MAPK8: variants seen among roughly 807,000 people sequenced by gnomAD.
The protein encoded by MAPK8 is JUN N-terminal kinase.
In MAPK8, 13 loss-of-function variants were observed where a neutral mutation model predicts 52.9. The ratio of observed to expected loss-of-function variants is 0.25; its 90% CI spans 0.16 to 0.39. The LOEUF (loss-of-function observed/expected upper bound fraction) is 0.39. Among genes scored for constraint, MAPK8 ranks in the 10% least tolerant of loss-of-function variants. The pLI is 1.00. For missense variants in MAPK8, 300 were observed against 519.2 expected (o/e 0.58, Z 4.10); for synonymous variants, 191 against 169.8 (o/e 1.12, Z -0.97).
intron 1 of MAPK8, among the ~76,000 whole-genome samples, chr10:48,309,130 A>G (rs1841698808): frequency 6.6e-6 from 1 of 152,236 alleles, no homozygotes; most frequent in Admixed American, 6.5e-5. Flanking sequence ...GGCTGTGTAA[A>G]GAACCAGAGT....
intron 1 of MAPK8, among the ~76,000 whole-genome samples, chr10:48,342,044 G>A (rs1318427195): frequency 6.6e-6 from 1 of 152,222 alleles, no homozygotes; most frequent in Non-Finnish European, 1.5e-5. Context: ...GGAAGATGTG[G>A]CAGGAGAAGT....
intron 1 of MAPK8, among the ~76,000 whole-genome samples, chr10:48,346,482 G>A (rs1312914586): frequency 1.3e-5 from 2 of 152,212 alleles, no homozygotes; most frequent in East Asian, 3.9e-4. Flanking sequence ...GTTACCAGGC[G>A]GATCGTGGTC....
chr10:48,313,762 G>C (rs536953327), intron 1 of MAPK8, among the ~76,000 whole-genome samples: 3 of 152,068 alleles, frequency 2.0e-5, no homozygotes, highest in Non-Finnish European at 2.9e-5. Context: ...TTGCTTGTTG[G>C]TTTGTTTTTT....
intron 1 of MAPK8, among the ~76,000 whole-genome samples, chr10:48,400,638 A>G (rs908655020): frequency 3.3e-5 from 5 of 152,140 alleles, no homozygotes; most frequent in Non-Finnish European, 7.4e-5. Context: ...TGCTGAATTA[A>G]TTCTTTGTAT....
At chr10:48,411,627 A>G (rs533624972) in intron 5 of MAPK8, among the ~76,000 whole-genome samples, 8 of 152,126 alleles carry the variant, frequency 5.3e-5, no homozygotes, top group Admixed American at 2.0e-4. Flanking sequence ...TATGAATTTG[A>G]GTATCATTCT....
chr10:48,347,629 A>C (rs999407538), intron 1 of MAPK8, among the ~76,000 whole-genome samples: 20 of 152,262 alleles, frequency 1.3e-4, no homozygotes, highest in African/African-American at 4.6e-4. Flanking sequence ...CTCCCACATA[A>C]GAGTGAGAAC....
At chr10:48,378,465 C>T (rs2040801965) in intron 1 of MAPK8, among the ~76,000 whole-genome samples, 1 of 151,976 alleles carries the variant, frequency 6.6e-6, no homozygotes, top group African/African-American at 2.4e-5. Context: ...ACATTGACTA[C>T]AATCAAAAAG....
rs543895822 is a variant in MAPK8 at position 48,403,072 on chromosome 10, C to G, written c.122+1290C>G. Among the ~76,000 whole-genome samples the G allele has an allele frequency of 5.3e-5, 8 of 152,190 alleles. No homozygotes were observed. The East Asian group carries it at 1.5e-3, about 29-fold the overall frequency. The stretch of plus-strand genomic sequence containing the variant: ...TATATATATGTACAAAAGATTAAAA[C>G]ATGCATAAATACCAAACTTAGGATG... On this transcript the variant is annotated intron_variant, in intron 2 of 11. Transcript: ENST00000374189.
At chr10:48,367,139 G>A (rs1002723899) in intron 1 of MAPK8, among the ~76,000 whole-genome samples, 1 of 152,096 alleles carries the variant, frequency 6.6e-6, no homozygotes, top group Non-Finnish European at 1.5e-5. Flanking sequence ...GGAGGCCAAG[G>A]CAGGAGGATC....
intron 5 of MAPK8, among the ~76,000 whole-genome samples, chr10:48,414,568 A>ATTTT (rs3047769): frequency 3.4e-5 from 3 of 88,448 alleles, no homozygotes; most frequent in African/African-American, 4.7e-5. Context: ...GTTGAAAAGA[A>ATTTT]TTTTTTTTTT....
chr10:48,424,300 T>G (rs964297997), intron 7 of MAPK8, 141 bp downstream of exon 7: 1 of 823,808 alleles, frequency 1.2e-6, no homozygotes, highest in Admixed American at 2.8e-5. Flanking sequence ...TCAAAAATTG[T>G]TGAGATAAGA....
chr10:48,310,074 A>AC (rs1564461967), intron 1 of MAPK8, among the ~76,000 whole-genome samples: 1 of 152,214 alleles, frequency 6.6e-6, no homozygotes, highest in Non-Finnish European at 1.5e-5. Context: ...GGAGTATTGA[A>AC]ATGAGTTATC....
chr10:48,401,609 C>T lies in MAPK8; in HGVS notation c.-49-3C>T. ...TAACATCATGTTTTGTTGCATCTTG[C>T]AGCTTCTTGGTGAATTTTTGGATGA... is the stretch of plus-strand genomic sequence containing the variant. On this transcript the variant is annotated splice_region_variant and splice_polypyrimidine_tract_variant and intron_variant, in intron 1 of 11. Transcript: ENST00000374189. 1 of 1,593,206 alleles carries T rather than the reference C, an allele frequency of 6.3e-7. No homozygotes were observed. Among genetic ancestry groups the T allele is most frequent in the Non-Finnish European group, 8.5e-7 (1 of 1,170,134 alleles).
chr10:48,408,664 A>T (rs966720895), intron 3 of MAPK8, among the ~76,000 whole-genome samples: 12 of 152,172 alleles, frequency 7.9e-5, no homozygotes, highest in Non-Finnish European at 1.5e-5. Context: ...CTTTTACCAT[A>T]TTATAGGCAG....
At position 48,327,739 on chromosome 10, in the gene MAPK8, T is replaced by TTTTAA. The variant is rs1308827836; in HGVS notation, c.-50+20918_-50+20919insTTTAA. Among the ~76,000 whole-genome samples the TTTTAA allele has an allele frequency of 2.0e-5, 3 of 152,248 alleles. No individual in the cohort carries two copies. The East Asian group carries it at 5.8e-4, about 29-fold the overall frequency. On this transcript the variant is annotated intron_variant, in intron 1 of 11. Transcript: ENST00000374189. The stretch of plus-strand genomic sequence containing the variant: ...GGTGTTTTCTGTTTTAAAAGGTTAA[T>TTTTAA]AACTGTTGATTCAATTTTCTAATAG...
At chr10:48,393,615 G>A (rs1167521772) in intron 1 of MAPK8, among the ~76,000 whole-genome samples, 1 of 152,008 alleles carries the variant, frequency 6.6e-6, no homozygotes, top group Non-Finnish European at 1.5e-5. Context: ...TATTTACAAA[G>A]CCCTTGAAAC....
chr10:48,402,486 C>G (rs1180329169), intron 2 of MAPK8, among the ~76,000 whole-genome samples: 1 of 152,162 alleles, frequency 6.6e-6, no homozygotes, highest in Non-Finnish European at 1.5e-5. Flanking sequence ...GATTTATTAG[C>G]TAATTTCTAC....
At chr10:48,354,324 G>C (rs1460750554) in intron 1 of MAPK8, among the ~76,000 whole-genome samples, 1 of 152,174 alleles carries the variant, frequency 6.6e-6, no homozygotes, top group Non-Finnish European at 1.5e-5. Flanking sequence ...CCTTTCCTCA[G>C]CATCAGAGAG....
chr10:48,400,857 T>C (rs2042123969), intron 1 of MAPK8, among the ~76,000 whole-genome samples: 1 of 152,210 alleles, frequency 6.6e-6, no homozygotes, highest in Non-Finnish European at 1.5e-5. Flanking sequence ...AAAAAAAGTG[T>C]CTTGATTTTT....
Sources: allele counts gnomAD v4.1 joint callset (sites outside exome capture counted in the v4.1 genomes callset), GRCh38; gene constraint gnomAD v4.1.1; transcripts MANE v1.5; gene names NCBI Gene and HGNC (gene_info 2026-07-23, HGNC 2026-07-21).